LYSMD2: variants seen among roughly 807,000 people sequenced by gnomAD.
LYSMD2 encodes lysM and putative peptidoglycan-binding domain-containing protein 2.
Under a neutral mutation model 17.7 loss-of-function variants are expected in LYSMD2, and 6 were observed. That is an observed-to-expected ratio of 0.34 (90% CI 0.19 to 0.67). LYSMD2 has a LOEUF of 0.67. Among genes scored for constraint, LYSMD2 ranks in the 30% least tolerant of loss-of-function variants. The pLI, the probability that LYSMD2 is intolerant of heterozygous loss-of-function variation, is 0.69. For synonymous variants in LYSMD2, 102 were observed against 129.8 expected (o/e 0.79, Z 1.45); for missense variants, 237 against 286.7 (o/e 0.83, Z 1.25).
upstream of LYSMD2, chr15:51,737,707 C>G (rs1406611302): frequency 2.4e-5 from 24 of 1,004,744 alleles, no homozygotes; most frequent in Non-Finnish European, 2.9e-5. The surrounding 1 kb of genome is among the most constrained non-coding windows in gnomAD (Gnocchi z 4.2). Context: ...GCCTCTTCCT[C>G]TTCACAGGGG....
At chr15:51,731,967 C>T (rs754275015) in intron 1 of LYSMD2, among the ~76,000 whole-genome samples, 3 of 152,188 alleles carry the variant, frequency 2.0e-5, no homozygotes, top group Non-Finnish European at 4.4e-5. Flanking sequence ...CTATATTTAA[C>T]GGTTACTCAA....
At chr15:51,748,119 G>T (rs2055677306) in intron 1 of LYSMD2, among the ~76,000 whole-genome samples, 1 of 151,922 alleles carries the variant, frequency 6.6e-6, no homozygotes, top group Admixed American at 6.6e-5. Flanking sequence ...AAAATACAAA[G>T]AATTAGGCGG....
chr15:51,736,877 T>G (rs779876540), intron 1 of LYSMD2, among the ~76,000 whole-genome samples: 1 of 152,200 alleles, frequency 6.6e-6, no homozygotes, highest in Non-Finnish European at 1.5e-5. Flanking sequence ...AACCACCCAG[T>G]AGGAACAACT....
chr15:51,734,190 A>AAAAC (rs772689203), intron 1 of LYSMD2, among the ~76,000 whole-genome samples: 16 of 152,276 alleles, frequency 1.1e-4, no homozygotes, highest in South Asian at 6.2e-4. Flanking sequence ...CTCAAAAACA[A>AAAAC]AAACAAACAA....
chr15:51,737,763 G>C (rs1232144637), upstream of LYSMD2: 1 of 619,604 alleles, frequency 1.6e-6, no homozygotes, highest in East Asian at 4.2e-5. The surrounding 1 kb of genome is among the most constrained non-coding windows in gnomAD (Gnocchi z 4.2). Flanking sequence ...AAGCCGAGGC[G>C]GGGAGCCGCA....
chr15:51,736,266 C>A lies in LYSMD2; in HGVS notation c.273+1084G>T, dbSNP rs192338594. Reference sequence around the variant, plus strand: ...TCCTCTGCCTCTGACTCAAACCAGGCCCCATTAAGGCACATAGAGAATTGT... The same window carrying A: ...TCCTCTGCCTCTGACTCAAACCAGGACCCATTAAGGCACATAGAGAATTGT... On this transcript the variant is annotated intron_variant, in intron 1 of 2. Coordinates refer to ENST00000267838, the MANE Select transcript of LYSMD2 (RefSeq NM_153374.3). Among the ~76,000 whole-genome samples the A allele has an allele frequency of 1.3e-4, 20 of 152,146 alleles. No homozygotes were observed. The East Asian group carries it at 3.9e-3, about 29-fold the overall frequency.
At position 51,737,486 on chromosome 15, in the gene LYSMD2, C is replaced by T; in HGVS notation, c.137G>A (p.Arg46His). Residue 46 changes from arginine to histidine, a missense_variant, in exon 1 of 3, where the codon CGC becomes CAC. By Grantham distance (29) the Arg-to-His change is conservative (BLOSUM62 0). Transcript: ENST00000267838. The surrounding 1 kb of genome is among the most constrained non-coding windows in gnomAD (Gnocchi z 4.2). ...GCTGCCGTACGAGCGGGTCTTGGTGCGGGCCAGGCTCAGCGACAGCTCGGC... is the reference window on the plus strand; with the variant it reads ...GCTGCCGTACGAGCGGGTCTTGGTGTGGGCCAGGCTCAGCGACAGCTCGGC... ...EEAELSLSLARTKTRSYGSTA... is the reference protein window; with the variant it reads ...EEAELSLSLAHTKTRSYGSTA... 1 of 1,393,278 alleles carries T rather than the reference C, an allele frequency of 7.2e-7. No individual in the cohort carries two copies. Among genetic ancestry groups the T allele is most frequent in the Non-Finnish European group, 9.3e-7 (1 of 1,074,656 alleles). 86.3% of individuals were successfully genotyped at this position (1,393,278 alleles called of 1,614,324 possible). A position where few individuals can be genotyped will look rare whatever the true frequency, so the allele number is the denominator to read the frequency against.
At chr15:51,745,549 C>T (rs539553050) in intron 1 of LYSMD2, among the ~76,000 whole-genome samples, 1 of 152,082 alleles carries the variant, frequency 6.6e-6, no homozygotes, top group Non-Finnish European at 1.5e-5. Context: ...AATCCAGCAC[C>T]CTTTTGTTAT....
upstream of LYSMD2, among the ~76,000 whole-genome samples, chr15:51,742,184 C>A (rs1451558500): frequency 6.6e-6 from 1 of 151,970 alleles, no homozygotes; most frequent in Admixed American, 6.6e-5. Context: ...AGATTACAGG[C>A]CTGCACCGCC....
At chr15:51,746,375 A>AT (rs1369348470) in intron 1 of LYSMD2, among the ~76,000 whole-genome samples, 1 of 152,226 alleles carries the variant, frequency 6.6e-6, no homozygotes, top group Non-Finnish European at 1.5e-5. Context: ...GTATGATTCC[A>AT]TTTACGTGAA....
chr15:51,733,585 A>G (rs1227897315), intron 1 of LYSMD2, among the ~76,000 whole-genome samples: 2 of 152,134 alleles, frequency 1.3e-5, no homozygotes, highest in African/African-American at 4.8e-5. Flanking sequence ...CAAAGACTTG[A>G]AGGCAATGAG....
rs979129780 is a variant in LYSMD2 at position 51,723,291 on chromosome 15, C to G, written c.*316G>C. ...TAAGGAGATAAACATTATTTTTAGC[C>G]TAAATATATAAATAATCTTTGATGC... On this transcript the variant is annotated 3_prime_UTR_variant, in exon 3 of 3. Transcript: ENST00000267838. 2 of 251,512 alleles carry G rather than the reference C, an allele frequency of 8.0e-6. No homozygotes were observed. The highest frequency in any genetic ancestry group is 1.6e-5 in the Non-Finnish European group (2 of 128,846). 15.6% of individuals were successfully genotyped at this position (251,512 alleles called of 1,614,324 possible). A position where few individuals can be genotyped will look rare whatever the true frequency, so the allele number is the denominator to read the frequency against.
chr15:51,750,221 C>A (rs1313858483), intron 1 of LYSMD2, among the ~76,000 whole-genome samples: 2 of 152,194 alleles, frequency 1.3e-5, no homozygotes, highest in African/African-American at 4.8e-5. Flanking sequence ...GGGAAAAATA[C>A]CTTCACTCTG....
rs764756392 is a variant in LYSMD2, at chr15:51,725,482, T to A, written c.274-361A>T. Among the ~76,000 whole-genome samples the A allele has an allele frequency of 5.9e-5, 9 of 152,318 alleles. No individual in the cohort carries two copies. The South Asian group carries it at 6.2e-4, about 11-fold the overall frequency. On this transcript the variant is annotated intron_variant, in intron 1 of 2. Coordinates refer to ENST00000267838, the MANE Select transcript of LYSMD2 (RefSeq NM_153374.3). The stretch of plus-strand genomic sequence containing the variant: ...AACATTTCTATTATCTGATTTTTTT[T>A]AAACTTACCATTGCTGCTGTTTTAC...
At chr15:51,726,047 A>G (rs1273989097) in intron 1 of LYSMD2, among the ~76,000 whole-genome samples, 1 of 152,214 alleles carries the variant, frequency 6.6e-6, no homozygotes, top group Non-Finnish European at 1.5e-5. Flanking sequence ...GCCTGCAAAA[A>G]CAACAGTCAA....
At chr15:51,741,492 C>A (rs2055642440), upstream of LYSMD2, among the ~76,000 whole-genome samples, 1 of 152,162 alleles carries the variant, frequency 6.6e-6, no homozygotes, top group Non-Finnish European at 1.5e-5. Context: ...TCACATAATT[C>A]ATCCATTTAA....
intron 1 of LYSMD2, among the ~76,000 whole-genome samples, chr15:51,750,637 T>A (rs745941352): frequency 1.3e-5 from 2 of 152,162 alleles, no homozygotes; most frequent in Non-Finnish European, 2.9e-5. Context: ...GAGAGAGATA[T>A]CACATCTAAT....
At chr15:51,746,063 T>C (rs2055666284) in intron 1 of LYSMD2, among the ~76,000 whole-genome samples, 1 of 152,212 alleles carries the variant, frequency 6.6e-6, no homozygotes, top group Non-Finnish European at 1.5e-5. Context: ...ATATGCTTCA[T>C]ATAAAGTTAC....
At chr15:51,742,144 C>T (rs896480279), upstream of LYSMD2, among the ~76,000 whole-genome samples, 1 of 151,922 alleles carries the variant, frequency 6.6e-6, no homozygotes, top group Non-Finnish European at 1.5e-5. Flanking sequence ...AATCGATTTT[C>T]ATGCCTCAGC....
Sources: allele counts gnomAD v4.1 joint callset (sites outside exome capture counted in the v4.1 genomes callset), GRCh38; gene constraint gnomAD v4.1.1; non-coding constraint Gnocchi (gnomAD v3.1); transcripts MANE v1.5; gene names NCBI Gene and HGNC (gene_info 2026-07-23, HGNC 2026-07-21).